Variants in DSCAM observed in about 807,000 individuals in gnomAD.
The protein encoded by DSCAM is DS cell adhesion molecule.
Under a neutral mutation model 217.7 loss-of-function variants are expected in DSCAM, and 47 were observed. The ratio of observed to expected loss-of-function variants is 0.22; its 90% confidence interval spans 0.17 to 0.28. The LOEUF (loss-of-function observed/expected upper bound fraction) is 0.28. DSCAM is among the 10% of genes least tolerant of loss of function. DSCAM has a pLI of 1.00. For missense variants in DSCAM, 2,080 were observed against 2,618.3 expected, an observed-to-expected ratio of 0.79 and a Z score of 4.49; for synonymous variants, 1,056 against 1,015.3, an observed-to-expected ratio of 1.04 and a Z score of -0.76.
intron 1 of DSCAM, among the ~76,000 whole-genome samples, chr21:40,804,704 A>G (rs541908010): frequency 1.3e-5 from 2 of 152,254 alleles, no homozygotes; most frequent in South Asian, 4.2e-4. Flanking sequence ...CAATCCTGAA[A>G]TGTTGACATT....
chr21:40,248,707 T>C (rs1454158454), intron 11 of DSCAM, among the ~76,000 whole-genome samples: 1 of 152,226 alleles, frequency 6.6e-6, no homozygotes, highest in Non-Finnish European at 1.5e-5. Flanking sequence ...GGTTACCCAG[T>C]TCCAAAGTTG....
chr21:40,414,437 G>C lies in DSCAM; in HGVS notation c.509-45192C>G, dbSNP rs901643875. Reference sequence around the variant, plus strand: ...AGTAAAACCACAATGAGATACCAACGCATACCTCCTAGAATAGCTAAAATT... The same window carrying C: ...AGTAAAACCACAATGAGATACCAACCCATACCTCCTAGAATAGCTAAAATT... On this transcript the variant is annotated intron_variant, in intron 3 of 32. Coordinates refer to ENST00000400454, the MANE Select transcript of DSCAM (RefSeq NM_001389.5). Among the ~76,000 whole-genome samples, 3 of 152,144 alleles carry C rather than the reference G, an allele frequency of 2.0e-5. No homozygotes were observed. In the East Asian group the frequency reaches 5.8e-4, roughly 29 times the overall value.
At chr21:40,613,167 TTAGA>T (rs1163724978) in intron 3 of DSCAM, among the ~76,000 whole-genome samples, 2 of 152,166 alleles carry the variant, frequency 1.3e-5, no homozygotes, top group Non-Finnish European at 2.9e-5. Flanking sequence ...TAAAATTAAG[TTAGA>T]TAAAGATTAA....
chr21:40,688,895 T>C (rs975538940), intron 3 of DSCAM, among the ~76,000 whole-genome samples: 3 of 152,220 alleles, frequency 2.0e-5, no homozygotes, highest in African/African-American at 7.2e-5. Flanking sequence ...AACTCATTAA[T>C]GTCCTTGATA....
rs567697876 is a variant in DSCAM at position 40,532,866 on chromosome 21, C to T, written c.508+159944G>A. Among the ~76,000 whole-genome samples the T allele has an allele frequency of 6.3e-3, 658 of 103,850 alleles. 3 individuals carry two copies. Among genetic ancestry groups the T allele is most frequent in the African/African-American group, 0.026 (622 of 24,172 alleles). The allele number at this position is 103,850 out of a possible 152,430, so 68.1% of individuals were successfully genotyped here. ...GTGGTGCTTCAAAACAGCCACAAGG[C>T]TCTGTGTGTGTGTGTGTGTGTGTGT... On this transcript the variant is annotated intron_variant, in intron 3 of 32. Coordinates refer to ENST00000400454, the MANE Select transcript of DSCAM (RefSeq NM_001389.5).
chr21:40,494,340 C>A (rs988659219), intron 3 of DSCAM, among the ~76,000 whole-genome samples: 1 of 152,130 alleles, frequency 6.6e-6, no homozygotes, highest in Middle Eastern at 3.2e-3. Context: ...CATGCATAGA[C>A]TGAAAGGCCA....
At chr21:40,399,876 G>A (rs1414914054) in intron 3 of DSCAM, among the ~76,000 whole-genome samples, 1 of 152,136 alleles carries the variant, frequency 6.6e-6, no homozygotes, top group Admixed American at 6.5e-5. Context: ...GTCTGATGTA[G>A]CAAGTAAAAC....
chr21:40,477,423 T>C (rs1313024560), intron 3 of DSCAM, among the ~76,000 whole-genome samples: 3 of 152,220 alleles, frequency 2.0e-5, no homozygotes, highest in Non-Finnish European at 2.9e-5. Flanking sequence ...TCGTCTTTTC[T>C]ATAGTAGAAA....
intron 11 of DSCAM, among the ~76,000 whole-genome samples, chr21:40,259,636 G>A (rs2073420981): frequency 7.3e-6 from 1 of 136,594 alleles, no homozygotes; most frequent in African/African-American, 2.6e-5. Flanking sequence ...TTCTTAGAGA[G>A]AATGAAAGTT....
intron 11 of DSCAM, among the ~76,000 whole-genome samples, chr21:40,273,896 A>G (rs551359768): frequency 2.6e-5 from 4 of 152,144 alleles, no homozygotes. Flanking sequence ...TTGTGACCCA[A>G]TCACTTTTCA....
At chr21:40,095,101 C>T (rs974456679) in intron 20 of DSCAM, among the ~76,000 whole-genome samples, 11 of 152,134 alleles carry the variant, frequency 7.2e-5, no homozygotes, top group Non-Finnish European at 1.2e-4. Flanking sequence ...CTCACGATCA[C>T]GGCAGAAGGT....
chr21:40,199,829 G>T (rs566355769), intron 11 of DSCAM, among the ~76,000 whole-genome samples: 3 of 152,004 alleles, frequency 2.0e-5, no homozygotes, highest in African/African-American at 7.2e-5. Flanking sequence ...TGCATGCAGG[G>T]CTTAAAACCT....
At chr21:40,209,472 C>T (rs1458203041) in intron 11 of DSCAM, among the ~76,000 whole-genome samples, 9 of 152,144 alleles carry the variant, frequency 5.9e-5, no homozygotes, top group South Asian at 2.1e-4. Flanking sequence ...TGGGCTGTCT[C>T]GATTATTTCT....
rs557920782 is a variant in DSCAM, at chr21:40,312,235, T to C, written c.1908A>G (p.Pro636=). The C allele has an allele frequency of 2.7e-5, 44 of 1,614,122 alleles. No individual in the cohort carries two copies. The East Asian group carries it at 6.5e-4, about 24-fold the overall frequency. Residue 636 remains proline (P), a synonymous_variant, in exon 9 of 33, where the codon CCA becomes CCG. Coordinates refer to ENST00000400454, the MANE Select transcript of DSCAM (RefSeq NM_001389.5). ...TGGTCACCCCAAGGCTCCCAGGGAT[T>C]GGCCGGCCATCCTTCTGCCAGGTGA... The part of the protein sequence containing the change: ...ITITWQKDGR[P]IPGSLGVTID...
At chr21:40,741,724 T>A (rs747385797) in intron 1 of DSCAM, among the ~76,000 whole-genome samples, 1 of 152,210 alleles carries the variant, frequency 6.6e-6, no homozygotes, top group Admixed American at 6.5e-5. Flanking sequence ...CCCATCCAGA[T>A]GAAATAAATC....
At chr21:40,697,318 G>A (rs2090606450) in intron 2 of DSCAM, among the ~76,000 whole-genome samples, 1 of 152,132 alleles carries the variant, frequency 6.6e-6, no homozygotes, top group South Asian at 2.1e-4. Context: ...TTTCTTTGCT[G>A]TGCAGAGTTT....
intron 11 of DSCAM, among the ~76,000 whole-genome samples, chr21:40,268,551 AT>A (rs201203331): frequency 4.7e-4 from 71 of 152,304 alleles, no homozygotes; most frequent in East Asian, 3.9e-4. Flanking sequence ...GTTAAAAAAA[AT>A]AATAACATTT....
intron 30 of DSCAM, among the ~76,000 whole-genome samples, chr21:40,051,320 A>G (rs2146496106): frequency 6.6e-6 from 1 of 152,352 alleles, no homozygotes. Context: ...ATTCACCTTC[A>G]TTGCAGTAAT....
At chr21:40,043,333 T>C (rs1386835897) in intron 31 of DSCAM, among the ~76,000 whole-genome samples, 1 of 152,218 alleles carries the variant, frequency 6.6e-6, no homozygotes, top group Non-Finnish European at 1.5e-5. Context: ...GGGTCTCCTC[T>C]GTGTGGAACT....
Sources: gnomAD v4.1 joint callset for allele counts (sites outside exome capture counted in the v4.1 genomes callset) on GRCh38, gnomAD v4.1.1 for gene constraint, MANE v1.5 for transcripts, NCBI Gene and HGNC (gene_info 2026-07-23, HGNC 2026-07-21) for gene names.